Variants in CCDC88C observed in about 807,000 individuals in gnomAD.
CCDC88C encodes the protein coiled-coil and HOOK domain protein 88C, also known as protein Daple.
In CCDC88C, 131 loss-of-function variants were observed where a neutral mutation model predicts 198.8. The ratio of observed to expected loss-of-function variants is 0.66; its 90% CI spans 0.57 to 0.76. The LOEUF (loss-of-function observed/expected upper bound fraction) is 0.76, where lower values mean the gene tolerates loss of function less well. CCDC88C is among the 30% of genes least tolerant of loss of function. The pLI is 0.00. For synonymous variants in CCDC88C, 1,166 were observed against 1,114.7 expected, an observed-to-expected ratio of 1.05 and a Z score of -0.92; for missense variants, 2,553 against 2,631.6, an observed-to-expected ratio of 0.97 and a Z score of 0.65.
In CCDC88C at chr14:91,338,617, C is replaced by A. The variant is rs746057015; in HGVS notation, c.810-47G>T. ...AGAGTGTGGGAGGCAGCTTCCTCAA[C>A]AAGCAGCCCTGGGAGCAGGCTGCCA... On this transcript the variant is annotated intron_variant, in intron 8 of 29. Coordinates refer to ENST00000389857, the MANE Select transcript of CCDC88C (RefSeq NM_001080414.4). The surrounding 1 kb of genome is among the most constrained non-coding windows in gnomAD (Gnocchi z 4.8). The A allele has an allele frequency of 2.1e-6, 3 of 1,415,044 alleles. No homozygotes were observed. Among genetic ancestry groups the A allele is most frequent in the African/African-American group, 2.8e-5 (2 of 70,564 alleles). 87.7% of individuals were successfully genotyped at this position (1,415,044 alleles called of 1,614,324 possible).
chr14:91,321,391 C>A, intron 12 of CCDC88C, 87 bp from the exon 13 acceptor site: 1 of 1,410,614 alleles, frequency 7.1e-7, no homozygotes, highest in Non-Finnish European at 9.7e-7. Flanking sequence ...TCATCAGTCC[C>A]GGAGTCCAGG....
chr14:91,413,259 A>G (rs2140021371), intron 2 of CCDC88C, among the ~76,000 whole-genome samples: 1 of 152,330 alleles, frequency 6.6e-6, no homozygotes, highest in South Asian at 2.1e-4. Flanking sequence ...CATCTGCACA[A>G]TGATAGACAT....
chr14:91,338,481 C>T lies in CCDC88C; in HGVS notation c.891+8G>A, dbSNP rs11851272. On this transcript the variant is annotated splice_region_variant and intron_variant, in intron 9 of 29. Transcript: ENST00000389857. The surrounding 1 kb of genome is among the most constrained non-coding windows in gnomAD (Gnocchi z 4.8). ...CCCAGGACACACAGGCTCAGGCCCC[C>T]GACTCACCTCCTGCTTAACTTTCTG... The T allele has an allele frequency of 5.9e-4, 913 of 1,559,574 alleles. 14 individuals carry two copies. In the African/African-American group the frequency reaches 0.011, roughly 18 times the overall value.
intron 5 of CCDC88C, among the ~76,000 whole-genome samples, chr14:91,343,054 A>G (rs2139868560): frequency 6.6e-6 from 1 of 152,298 alleles, no homozygotes; most frequent in South Asian, 2.1e-4. Flanking sequence ...TCCTGCACTC[A>G]AGTGATCCTC....
chr14:91,392,854 CTGAG>C (rs1470215933), intron 3 of CCDC88C, among the ~76,000 whole-genome samples: 1 of 152,012 alleles, frequency 6.6e-6, no homozygotes, highest in Non-Finnish European at 1.5e-5. Flanking sequence ...AGTCCCCGCC[CTGAG>C]TGAGTCTGCA....
chr14:91,344,665 C>T (rs1893449770), intron 4 of CCDC88C, among the ~76,000 whole-genome samples: 1 of 151,932 alleles, frequency 6.6e-6, no homozygotes, highest in Non-Finnish European at 1.5e-5. Context: ...GCGGCCACCA[C>T]CGCGCCCAGC....
Position 91,321,171 on chromosome 14 carries a change from G to A in CCDC88C, c.1476C>T (p.Ser492=), listed in dbSNP as rs368539046. Residue 492 remains serine, a synonymous_variant, in exon 13 of 30, where the codon AGC becomes AGT. Transcript: ENST00000389857. The part of the protein sequence containing the change: ...LRDASLVLEE[S]GLKCGELEKE... ...TCTCCAGCTCCCCGCACTTGAGGCC[G>A]CTCTCCTCCAACACCAGGGACGCGT... 1.4e-5 allele frequency: 23 copies of A among 1,612,894 alleles called. No individual in the cohort carries two copies. The highest frequency in any genetic ancestry group is 5.0e-5 in the Admixed American group (3 of 59,940).
At chr14:91,287,788 G>C (rs1239458960) in intron 25 of CCDC88C, among the ~76,000 whole-genome samples, 1 of 151,938 alleles carries the variant, frequency 6.6e-6, no homozygotes, top group East Asian at 1.9e-4. Context: ...AGACCCCATG[G>C]GTCTCAGGCA....
Position 91,273,202 on chromosome 14 carries a change from C to T in CCDC88C, c.5510G>A (p.Gly1837Asp), listed in dbSNP as rs776764078. Reference sequence around the variant, plus strand: ...CAGGGTGTGGCTGCCTGTCTCTCTGCCCCCTAAGGCCTCAGGAGCCCCCAG... The same window carrying T: ...CAGGGTGTGGCTGCCTGTCTCTCTGTCCCCTAAGGCCTCAGGAGCCCCCAG... The part of the protein sequence containing the change: ...QKLGAPEALG[G>D]RETGSHTLQS... Residue 1837 changes from glycine to aspartate, a missense_variant, in exon 30 of 30, where the codon GGC (glycine) becomes GAC (aspartate). This residue lies in a region of CCDC88C where 1,293 missense variants were observed against 1,219.6 expected (regional missense o/e 1.06). Coordinates refer to ENST00000389857, the MANE Select transcript of CCDC88C (RefSeq NM_001080414.4). This position sits in a 1 kb window ranked among gnomAD's most constrained non-coding sequence, Gnocchi z 5.6. 213 of 1,571,160 alleles carry T rather than the reference C, an allele frequency of 1.4e-4. 1 individual carries two copies. Among genetic ancestry groups the T allele is most frequent in the Non-Finnish European group, 1.6e-4 (191 of 1,158,406 alleles).
intron 3 of CCDC88C, chr14:91,379,766 G>A: frequency 5.7e-6 from 4 of 697,032 alleles, no homozygotes; most frequent in South Asian, 4.5e-5. Flanking sequence ...CCGTGCCCGG[G>A]CCTCCTGCGG....
At chr14:91,316,056 G>A (rs148085318) in intron 13 of CCDC88C, among the ~76,000 whole-genome samples, 7 of 152,302 alleles carry the variant, frequency 4.6e-5, no homozygotes, top group African/African-American at 9.6e-5. Flanking sequence ...GGCCGCCACC[G>A]CTGGGTGCCC....
chr14:91,415,463 GC>G (rs1433540365), intron 2 of CCDC88C, among the ~76,000 whole-genome samples: 2 of 152,110 alleles, frequency 1.3e-5, no homozygotes, highest in Non-Finnish European at 2.9e-5. Context: ...AGTGGCTCAT[GC>G]CTGTAATCCC....
At chr14:91,359,132 C>T (rs1894177249) in intron 4 of CCDC88C, among the ~76,000 whole-genome samples, 1 of 150,616 alleles carries the variant, frequency 6.6e-6, no homozygotes, top group South Asian at 2.1e-4. Flanking sequence ...CCTCTGCACA[C>T]ACATCTGAGC....
chr14:91,339,224 C>G lies in CCDC88C; in HGVS notation c.809+54G>C, dbSNP rs768621398. 6.3e-7 allele frequency: 1 copy of G among 1,596,168 alleles called. No homozygotes were observed. The highest frequency in any genetic ancestry group is 8.5e-7 in the Non-Finnish European group (1 of 1,170,234). On this transcript the variant is annotated intron_variant, in intron 8 of 29. Coordinates refer to ENST00000389857, the MANE Select transcript of CCDC88C (RefSeq NM_001080414.4). The surrounding 1 kb of genome is among the most constrained non-coding windows in gnomAD (Gnocchi z 5.8). ...ACCACACATGTGAGTCGACACCACACCAGAAACATGTCTGCAACACACACA... is the reference window on the plus strand; with the variant it reads ...ACCACACATGTGAGTCGACACCACAGCAGAAACATGTCTGCAACACACACA...
At chr14:91,356,803 G>C (rs905613968) in intron 4 of CCDC88C, among the ~76,000 whole-genome samples, 6 of 152,126 alleles carry the variant, frequency 3.9e-5, no homozygotes, top group Admixed American at 1.3e-4. Context: ...TGTGGTGTTG[G>C]GAGGTGCCTG....
In CCDC88C at chr14:91,339,759, A is replaced by G; in HGVS notation, c.624+125T>C. 1 of 1,200,484 alleles carries G rather than the reference A, an allele frequency of 8.3e-7. No individual in the cohort carries two copies. The highest frequency in any genetic ancestry group is 1.1e-6 in the Non-Finnish European group (1 of 883,664). 74.4% of individuals were successfully genotyped at this position (1,200,484 alleles called of 1,614,324 possible). On this transcript the variant is annotated intron_variant, in intron 7 of 29. Coordinates refer to ENST00000389857, the MANE Select transcript of CCDC88C (RefSeq NM_001080414.4). The surrounding 1 kb of genome is among the most constrained non-coding windows in gnomAD (Gnocchi z 5.8). ...GGGGCCGTAACCAGGGAAAGCACGC[A>G]CGTCCCACCCCCACCAGAACCTCAG...
intron 3 of CCDC88C, among the ~76,000 whole-genome samples, chr14:91,366,598 C>T (rs527312539): frequency 4.6e-5 from 7 of 152,160 alleles, no homozygotes; most frequent in Non-Finnish European, 7.3e-5. Context: ...ACCAACTATC[C>T]AAGATGAGGA....
intron 2 of CCDC88C, among the ~76,000 whole-genome samples, chr14:91,412,769 T>A (rs1415578154): frequency 1.3e-5 from 2 of 152,152 alleles, no homozygotes; most frequent in South Asian, 4.1e-4. Flanking sequence ...AAAGCCCCCA[T>A]GTGTCATATA....
intron 3 of CCDC88C, chr14:91,408,434 A>T: frequency 1.9e-6 from 1 of 513,564 alleles, no homozygotes; most frequent in Admixed American, 3.0e-5. Flanking sequence ...ATATAGCACG[A>T]TGCTACACAC....
Sources: allele counts gnomAD v4.1 joint callset (sites outside exome capture counted in the v4.1 genomes callset), GRCh38; gene constraint gnomAD v4.1.1; regional missense constraint gnomAD v4.1.1; non-coding constraint Gnocchi (gnomAD v3.1); transcripts MANE v1.5; gene names NCBI Gene and HGNC (gene_info 2026-07-23, HGNC 2026-07-21).